KAZN: variants seen among roughly 807,000 people sequenced by gnomAD.
The protein encoded by KAZN is kazrin, periplakin interacting protein.
Under a neutral mutation model 87.4 loss-of-function variants are expected in KAZN, and 40 were observed. The ratio of observed to expected loss-of-function variants is 0.46; its 90% confidence interval spans 0.36 to 0.60. The LOEUF (loss-of-function observed/expected upper bound fraction) is 0.60, where lower values mean the gene tolerates loss of function less well. KAZN is among the 20% of genes least tolerant of loss of function. KAZN has a pLI of 0.00. For synonymous variants in KAZN, 466 were observed against 458.3 expected (o/e 1.02, Z -0.22); for missense variants, 898 against 1,073.9 (o/e 0.84, Z 2.29).
At chr1:14,395,320 T>C (rs1340545245) in intron 2 of KAZN, among the ~76,000 whole-genome samples, 1 of 152,200 alleles carries the variant, frequency 6.6e-6, no homozygotes, top group African/African-American at 2.4e-5. Context: ...GTACTACCTA[T>C]AACATTCTGC....
In KAZN at chr1:15,066,074, G is replaced by T; in HGVS notation, c.1222+321G>T. 8.5e-7 allele frequency: 1 copy of T among 1,175,170 alleles called. No individual in the cohort carries two copies. The allele number at this position is 1,175,170 out of a possible 1,614,324, so 72.8% of individuals were successfully genotyped here. On this transcript the variant is annotated intron_variant, in intron 8 of 14. Coordinates refer to ENST00000376030, the MANE Select transcript of KAZN (RefSeq NM_201628.3). This position sits in a 1 kb window ranked among gnomAD's most constrained non-coding sequence, Gnocchi z 4.3. ...GTCTTTGGAGCGATACAGTTGTGTT[G>T]TTAATCTGGTTTATTATTTTTCTTC...
intron 2 of KAZN, among the ~76,000 whole-genome samples, chr1:14,432,549 T>C (rs1357023377): frequency 1.3e-5 from 2 of 152,106 alleles, no homozygotes; most frequent in East Asian, 3.8e-4. Flanking sequence ...TTCTTTCTTT[T>C]TTATAATTTT....
intron 2 of KAZN, among the ~76,000 whole-genome samples, chr1:14,407,353 A>C (rs1663940901): frequency 6.6e-6 from 1 of 152,212 alleles, no homozygotes; most frequent in Non-Finnish European, 1.5e-5. Flanking sequence ...TTGAATGAGA[A>C]AATAGTGATC....
At chr1:14,657,612 G>C (rs951692737) in intron 1 of KAZN, among the ~76,000 whole-genome samples, 1 of 152,174 alleles carries the variant, frequency 6.6e-6, no homozygotes, top group East Asian at 1.9e-4. Context: ...CCTATCATGA[G>C]CATTCCTAAA....
intron 2 of KAZN, among the ~76,000 whole-genome samples, chr1:14,407,476 T>C (rs909737066): frequency 6.6e-6 from 1 of 152,130 alleles, no homozygotes; most frequent in Non-Finnish European, 1.5e-5. Context: ...TTAAGTGTGA[T>C]TGTAGCTCCA....
chr1:14,284,575 G>A (rs1006628681), intron 2 of KAZN, among the ~76,000 whole-genome samples: 5 of 152,140 alleles, frequency 3.3e-5, no homozygotes, highest in Admixed American at 2.6e-4. Context: ...AATGAGTGTT[G>A]TCTTTATTCT....
At chr1:15,089,062 C>T (rs2100660199) in intron 8 of KAZN, among the ~76,000 whole-genome samples, 1 of 152,128 alleles carries the variant, frequency 6.6e-6, no homozygotes, top group South Asian at 2.1e-4. Context: ...ATCTGTTATC[C>T]CCTCTCTGAC....
chr1:14,117,812 A>G (rs1267735292), intron 1 of KAZN, among the ~76,000 whole-genome samples: 1 of 152,198 alleles, frequency 6.6e-6, no homozygotes, highest in Non-Finnish European at 1.5e-5. Flanking sequence ...TGTTGCAGGT[A>G]AATCACTGAC....
rs555505566 is a variant in KAZN at position 14,245,267 on chromosome 1, G to T, written c.249+64675G>T. Among the ~76,000 whole-genome samples the T allele has an allele frequency of 6.0e-4, 92 of 152,134 alleles. 1 individual carries two copies. The highest frequency in any genetic ancestry group is 1.1e-3 in the Non-Finnish European group (78 of 68,012). ...TCTGGCTTTTCCCCAGGCAGGAGAG[G>T]GCACAGGCAGGCATCAGGTTGGTAG... On this transcript the variant is annotated intron_variant, in intron 2 of 16. Transcript: ENST00000636203.
At chr1:14,825,943 G>A (rs772621758) in intron 1 of KAZN, among the ~76,000 whole-genome samples, 4 of 152,318 alleles carry the variant, frequency 2.6e-5, no homozygotes, top group Admixed American at 6.5e-5. Flanking sequence ...AGGCCAGCAC[G>A]TAGCAGGTGC....
At chr1:15,110,422 T>C (rs559075247) in intron 13 of KAZN, among the ~76,000 whole-genome samples, 4,137 of 128,674 alleles carry the variant, frequency 0.032, 84 homozygotes, top group Non-Finnish European at 0.053. Context: ...TGTGTGCGCA[T>C]ATGTGTTCAT....
intron 8 of KAZN, among the ~76,000 whole-genome samples, chr1:15,078,750 C>G (rs528556250): frequency 2.6e-5 from 4 of 152,132 alleles, no homozygotes; most frequent in Non-Finnish European, 5.9e-5. Flanking sequence ...TCTCAGCTGC[C>G]GCTACGGGAC....
chr1:15,083,541 G>A (rs17372042), intron 8 of KAZN, among the ~76,000 whole-genome samples: 16,359 of 152,246 alleles, frequency 0.11, 1,157 homozygotes, highest in Middle Eastern at 0.23. Flanking sequence ...GGCACTGTAC[G>A]GTTTGGTAGA....
chr1:14,436,033 T>C (rs12080940), intron 2 of KAZN, among the ~76,000 whole-genome samples: 5,029 of 152,084 alleles, frequency 0.033, 296 homozygotes, highest in African/African-American at 0.12. Context: ...ATCAAGACCA[T>C]CCTGGCCAAC....
intron 1 of KAZN, among the ~76,000 whole-genome samples, chr1:13,970,118 C>G (rs916743321): frequency 1.2e-4 from 19 of 152,140 alleles, no homozygotes; most frequent in Admixed American, 6.5e-4. Context: ...CCAGGAATAT[C>G]TAATCTAGAA....
intron 2 of KAZN, among the ~76,000 whole-genome samples, chr1:14,359,245 GCTTTTTTTTT>G (rs1363725586): frequency 1.3e-5 from 2 of 151,914 alleles, no homozygotes; most frequent in Non-Finnish European, 2.9e-5. Context: ...TACAAGCCCT[GCTTTTTTTTT>G]CTTTTTTTTT....
At chr1:14,399,901 C>A (rs1571527250) in intron 2 of KAZN, among the ~76,000 whole-genome samples, 1 of 152,130 alleles carries the variant, frequency 6.6e-6, no homozygotes, top group South Asian at 2.1e-4. Flanking sequence ...GCATTTATAC[C>A]CTGTTCATCT....
At chr1:14,895,983 C>G (rs1416063589) in intron 1 of KAZN, among the ~76,000 whole-genome samples, 1 of 148,326 alleles carries the variant, frequency 6.7e-6, no homozygotes, top group African/African-American at 2.5e-5. Context: ...GGCCAGGCAA[C>G]AATCTGAAGT....
intron 1 of KAZN, among the ~76,000 whole-genome samples, chr1:14,004,178 A>T (rs1000451769): frequency 6.6e-6 from 1 of 152,224 alleles, no homozygotes; most frequent in African/African-American, 2.4e-5. Flanking sequence ...ATATACAACT[A>T]TGCCCACACC....
Sources: allele counts gnomAD v4.1 joint callset (sites outside exome capture counted in the v4.1 genomes callset), GRCh38; gene constraint gnomAD v4.1.1; non-coding constraint Gnocchi (gnomAD v3.1); transcripts MANE v1.5; gene names NCBI Gene and HGNC (gene_info 2026-07-23, HGNC 2026-07-21).